NDUFAF6: variants seen among roughly 807,000 people sequenced by gnomAD.
NDUFAF6 encodes the protein NADH dehydrogenase (ubiquinone) complex I, assembly factor 6.
A neutral mutation model predicts 40.8 loss-of-function variants in NDUFAF6; 45 were observed. The observed-to-expected ratio is 1.10, with a 90% CI of 0.87 to 1.42. The LOEUF (loss-of-function observed/expected upper bound fraction) is 1.42, where lower values mean the gene tolerates loss of function less well. NDUFAF6 is among the 40% of genes most tolerant of loss of function. NDUFAF6 has a pLI of 0.00. For synonymous variants in NDUFAF6, 185 were observed against 155.9 expected, an observed-to-expected ratio of 1.19 and a Z score of -1.39; for missense variants, 435 against 418.5, an observed-to-expected ratio of 1.04 and a Z score of -0.34.
At chr8:95,080,571 T>C (rs565867319), downstream of NDUFAF6, among the ~76,000 whole-genome samples, 14 of 152,324 alleles carry the variant, frequency 9.2e-5, no homozygotes, top group Admixed American at 2.6e-4. Context: ...TAGTGTATTT[T>C]GGTAGTGTAT....
At chr8:94,963,340 TAGTC>T (rs1289527417) in intron 1 of NDUFAF6, among the ~76,000 whole-genome samples, 1 of 152,144 alleles carries the variant, frequency 6.6e-6, no homozygotes, top group African/African-American at 2.4e-5. Context: ...AAGGTGCTCA[TAGTC>T]AGGGTGGAAA....
intron 1 of NDUFAF6, among the ~76,000 whole-genome samples, chr8:94,966,029 C>G (rs573791174): frequency 1.6e-3 from 247 of 152,238 alleles, no homozygotes; most frequent in Non-Finnish European, 2.5e-3. Flanking sequence ...AATCTGTAAC[C>G]CACGCTTTGC....
At chr8:95,098,769 C>T (rs1463606007), upstream of NDUFAF6, among the ~76,000 whole-genome samples, 1 of 151,984 alleles carries the variant, frequency 6.6e-6, no homozygotes, top group African/African-American at 2.4e-5. Flanking sequence ...TGTTAAAATA[C>T]AAAATTAGCT....
chr8:94,961,515 G>A (rs1349339483), intron 1 of NDUFAF6, among the ~76,000 whole-genome samples: 1 of 152,096 alleles, frequency 6.6e-6, no homozygotes, highest in African/African-American at 2.4e-5. Flanking sequence ...TCCGCCTCCC[G>A]GGCTCCAGCG....
At chr8:95,040,208 G>A (rs1474484774) in intron 3 of NDUFAF6, among the ~76,000 whole-genome samples, 1 of 152,102 alleles carries the variant, frequency 6.6e-6, no homozygotes, top group Non-Finnish European at 1.5e-5. Context: ...TTTTGGATTT[G>A]TCTGATGTTT....
At chr8:94,979,819 G>A (rs1191564265) in intron 1 of NDUFAF6, among the ~76,000 whole-genome samples, 3 of 152,216 alleles carry the variant, frequency 2.0e-5, no homozygotes, top group African/African-American at 7.2e-5. Context: ...AATGGGCTGG[G>A]CACCATGGCT....
chr8:95,090,632 G>A (rs1475239053), intron 2 of NDUFAF6, among the ~76,000 whole-genome samples: 2 of 152,104 alleles, frequency 1.3e-5, no homozygotes, highest in African/African-American at 4.8e-5. Context: ...ATACTAGGAG[G>A]GTGTGATGGT....
Position 94,947,187 on chromosome 8 carries a change from T to A in NDUFAF6, c.-799+1568T>A, listed in dbSNP as rs185502874. ...AATTCCTTGTTTTCCCTATACATGCTCTTTTAGGCTCCCAGTCTCAACTAT... is the reference window on the plus strand; with the variant it reads ...AATTCCTTGTTTTCCCTATACATGCACTTTTAGGCTCCCAGTCTCAACTAT... On this transcript the variant is annotated intron_variant, in intron 2 of 14. Coordinates refer to the NDUFAF6 transcript ENST00000396113. 3.3e-5 allele frequency among the ~76,000 whole-genome samples: 5 copies of A among 152,076 alleles called. No individual in the cohort carries two copies. In the East Asian group the frequency reaches 9.7e-4, roughly 29 times the overall value.
chr8:94,908,635 G>A (rs1818538347), intron 1 of NDUFAF6, among the ~76,000 whole-genome samples: 1 of 152,280 alleles, frequency 6.6e-6, no homozygotes, highest in African/African-American at 2.4e-5. Context: ...CTCCCAAAGT[G>A]CTGGGAGTAC....
At chr8:94,945,375 A>T (rs1264178156) in intron 1 of NDUFAF6, 1 of 152,244 alleles carries the variant, frequency 6.6e-6, no homozygotes, top group African/African-American at 2.4e-5. Context: ...TTAGTATATT[A>T]AATACATTAA....
At chr8:95,055,872 A>G (rs1399181959) in intron 8 of NDUFAF6, among the ~76,000 whole-genome samples, 1 of 152,252 alleles carries the variant, frequency 6.6e-6, no homozygotes, top group Admixed American at 6.5e-5. Flanking sequence ...CGAGCCAGGA[A>G]CTAGTCTGTC....
chr8:95,014,674 A>G (rs1032401711), intron 2 of NDUFAF6, among the ~76,000 whole-genome samples: 1 of 152,232 alleles, frequency 6.6e-6, no homozygotes, highest in African/African-American at 2.4e-5. Context: ...ATCCAACTCA[A>G]ACTCTCCTAA....
At chr8:94,946,696 CAAAAAAAAAAA>C (rs71273438) in intron 2 of NDUFAF6, among the ~76,000 whole-genome samples, 6 of 34,696 alleles carry the variant, frequency 1.7e-4, no homozygotes, top group South Asian at 4.6e-3. Flanking sequence ...GACCCTGTCT[CAAAAAAAAAAA>C]AAAAAAAAAA....
At chr8:94,963,231 G>A (rs1365574501) in intron 1 of NDUFAF6, among the ~76,000 whole-genome samples, 3 of 152,258 alleles carry the variant, frequency 2.0e-5, no homozygotes, top group East Asian at 1.9e-4. Context: ...GTACATGGCA[G>A]TGTGGAGACT....
intron 1 of NDUFAF6, chr8:94,930,831 G>T: frequency 7.9e-7 from 1 of 1,273,780 alleles, no homozygotes; most frequent in Non-Finnish European, 1.1e-6. Context: ...ATTTGTTTAT[G>T]GCTGAATGAG....
intron 2 of NDUFAF6, among the ~76,000 whole-genome samples, chr8:95,085,893 CTT>C (rs1331236460): frequency 1.3e-5 from 2 of 152,120 alleles, no homozygotes; most frequent in African/African-American, 2.4e-5. Flanking sequence ...AAACTTGAGT[CTT>C]GGTTTAGAAA....
chr8:95,006,741 G>A (rs1327838119), intron 2 of NDUFAF6, among the ~76,000 whole-genome samples: 1 of 152,058 alleles, frequency 6.6e-6, no homozygotes, highest in Non-Finnish European at 1.5e-5. Flanking sequence ...CGAGCTGGGT[G>A]TAGTGGTGCA....
intron 2 of NDUFAF6, chr8:94,950,679 T>C (rs1459296725): frequency 6.6e-6 from 1 of 152,204 alleles, no homozygotes; most frequent in African/African-American, 2.4e-5. Flanking sequence ...TTGAACATGC[T>C]TTGGATTTTA....
intron 4 of NDUFAF6, among the ~76,000 whole-genome samples, chr8:95,112,995 A>G (rs943678019): frequency 6.6e-6 from 1 of 152,212 alleles, no homozygotes. Context: ...AGATATTGGC[A>G]AGACTCCTGG....
Sources: gnomAD v4.1 joint callset for allele counts (sites outside exome capture counted in the v4.1 genomes callset) on GRCh38, gnomAD v4.1.1 for gene constraint, MANE v1.5 for transcripts, NCBI Gene and HGNC (gene_info 2026-07-23, HGNC 2026-07-21) for gene names.